Variants in AUNIP observed in about 807,000 individuals in gnomAD.
AUNIP encodes the protein aurora kinase A- and ninein-interacting protein.
In AUNIP, 16 loss-of-function variants were observed where a neutral mutation model predicts 12.2. The ratio of observed to expected loss-of-function variants is 1.31; its 90% CI spans 0.88 to 1.99. The LOEUF (loss-of-function observed/expected upper bound fraction) is 1.99, where lower values mean the gene tolerates loss of function less well. Ranked by LOEUF, AUNIP falls within the 30% of genes most tolerant of loss-of-function variation. The probability of loss-of-function intolerance (pLI) is 0.00; values close to 1 mark genes in which losing one functional copy is unlikely to be tolerated. For synonymous variants in AUNIP, 142 were observed against 154.8 expected (o/e 0.92, Z 0.61); for missense variants, 411 against 419.1 (o/e 0.98, Z 0.17).
Position 25,835,669 on chromosome 1 carries a change from G to T in AUNIP, c.398C>A (p.Ser133Tyr), listed in dbSNP as rs200879396. ...GCCAGAAGTCTGGAGGGACTGAGGA[G>T]AGAGTCCAGCTTCCTGGATGTCTGC... ...TTADIQEAGL[S>Y]PQSLQTSGHH... Residue 133 changes from serine to tyrosine, a missense_variant, in exon 3 of 3, where the codon TCT becomes TAT. Coordinates refer to ENST00000374298, the MANE Select transcript of AUNIP (RefSeq NM_024037.3). 2 of 1,614,220 alleles carry T rather than the reference G, an allele frequency of 1.2e-6. No homozygotes were observed. The highest frequency in any genetic ancestry group is 1.7e-6 in the Non-Finnish European group (2 of 1,180,034).
rs149040976 is a variant in AUNIP, at chr1:25,846,908, G to A, written c.79-9354C>T. Among the ~76,000 whole-genome samples, 252 of 152,294 alleles carry A rather than the reference G, an allele frequency of 1.7e-3. 2 individuals are homozygous for A. Among genetic ancestry groups the A allele is most frequent in the East Asian group, 0.011 (57 of 5,188 alleles). ...GCTGCATATGGCTCTCTCGGTCACA[G>A]AGATGACAGTCCTATAAAAGAAAGA... On this transcript the variant is annotated intron_variant, in intron 1 of 2. Coordinates refer to ENST00000374298, the MANE Select transcript of AUNIP (RefSeq NM_024037.3).
chr1:25,834,983 C>G lies in AUNIP; in HGVS notation c.*10G>C. 6.3e-7 allele frequency: 1 copy of G among 1,595,624 alleles called. No individual in the cohort carries two copies. The highest frequency in any genetic ancestry group is 8.5e-7 in the Non-Finnish European group (1 of 1,170,798). ...TTTCAAGGTACTTTTAGAAACAAAG[C>G]TTCAAACATTTAGAATTGGTGTCTG... On this transcript the variant is annotated 3_prime_UTR_variant, in exon 3 of 3. Transcript: ENST00000374298.
Position 25,835,120 on chromosome 1 carries a change from T to G in AUNIP, c.947A>C (p.Asp316Ala). ...AGGACTGTTAGGAAACGGCCCTAAG[T>G]CCCAATTCCAGTTATTGGTTACATC... ...FQDVTNNWNW[D>A]LGPFPNSPWA... is the part of the protein sequence containing the mutation. Residue 316 changes from aspartate to alanine, a missense_variant, in exon 3 of 3, where the codon GAC (aspartate) becomes GCC (alanine). Transcript: ENST00000374298. The G allele has an allele frequency of 6.2e-7, 1 of 1,614,216 alleles. No homozygotes were observed. The highest frequency in any genetic ancestry group is 1.3e-5 in the African/African-American group (1 of 75,048).
intron 1 of AUNIP, among the ~76,000 whole-genome samples, chr1:25,852,901 T>G (rs1250392966): frequency 6.6e-6 from 1 of 152,256 alleles, no homozygotes; most frequent in African/African-American, 2.4e-5. Context: ...CTCTTGGTTA[T>G]TTAGAAATGT....
Position 25,834,728 on chromosome 1 carries a change from AC to A in AUNIP, c.*264del. 7.7e-7 allele frequency: 1 copy of A among 1,293,480 alleles called. No homozygotes were observed. The highest frequency in any genetic ancestry group is 9.8e-7 in the Non-Finnish European group (1 of 1,020,532). 80.1% of individuals were successfully genotyped at this position (1,293,480 alleles called of 1,614,324 possible). ...AAAAGGCACTTTCATAGAGATAAATACCCACTGTGCTGCCTCAGTGTTCATC... is the reference window on the plus strand; with the variant it reads ...AAAAGGCACTTTCATAGAGATAAATACCACTGTGCTGCCTCAGTGTTCATC... On this transcript the variant is annotated 3_prime_UTR_variant, in exon 3 of 3. Transcript: ENST00000374298.
Position 25,835,784 on chromosome 1 carries a change from CT to C in AUNIP, c.282del (p.Glu95SerfsTer9). Reference protein sequence around the residue: ...VSSHTESQINKESKKNATQLD... With the variant: ...VSSHTESQINXESKKNATQLD... The stretch of plus-strand genomic sequence containing the variant: ...AGCTGGGTCGCATTTTTCTTGGACT[CT>C]TTGTTGATCTGACTTTCTGTATGAG... On this transcript the variant is annotated frameshift_variant, in exon 3 of 3. Coordinates refer to ENST00000374298, the MANE Select transcript of AUNIP (RefSeq NM_024037.3). LOFTEE classifies it low-confidence loss of function (END_TRUNC). The C allele has an allele frequency of 6.2e-7, 1 of 1,614,182 alleles. No individual in the cohort carries two copies. The highest frequency in any genetic ancestry group is 8.5e-7 in the Non-Finnish European group (1 of 1,180,040).
At chr1:25,848,055 T>C (rs1393490341) in intron 1 of AUNIP, among the ~76,000 whole-genome samples, 1 of 152,200 alleles carries the variant, frequency 6.6e-6, no homozygotes, top group Non-Finnish European at 1.5e-5. Context: ...TCCAAATTCC[T>C]CTAGCCTACC....
intron 1 of AUNIP, among the ~76,000 whole-genome samples, chr1:25,842,188 A>G (rs2048351621): frequency 6.6e-6 from 1 of 152,270 alleles, no homozygotes; most frequent in African/African-American, 2.4e-5. Flanking sequence ...CTTGAAGGAA[A>G]TTATAAGTGC....
chr1:25,835,440 C>CT lies in AUNIP; in HGVS notation c.626dup (p.Ser210GlufsTer21). On this transcript the variant is annotated frameshift_variant, in exon 3 of 3. Coordinates refer to ENST00000374298, the MANE Select transcript of AUNIP (RefSeq NM_024037.3). LOFTEE classifies it low-confidence loss of function (END_TRUNC). ...GTAGTTTGGTGTGTTTCTCCATACT[C>CT]TGATAGTTCTTCTTAGACTCATGAA... 21 of 1,614,252 alleles carry CT rather than the reference C, an allele frequency of 1.3e-5. No individual in the cohort carries two copies. Among genetic ancestry groups the CT allele is most frequent in the Non-Finnish European group, 1.8e-5 (21 of 1,180,056 alleles).
rs1015887427 is a variant in AUNIP at position 25,834,219 on chromosome 1, C to A, written c.*774G>T. On this transcript the variant is annotated 3_prime_UTR_variant, in exon 3 of 3. Coordinates refer to ENST00000374298, the MANE Select transcript of AUNIP (RefSeq NM_024037.3). ...CACCATTCTACCTCTCTTCTCTCCA[C>A]ACCTGGGTTGTGGGGAGATTTGCTA... 1.0e-6 allele frequency: 1 copy of A among 985,350 alleles called. No individual in the cohort carries two copies. Among genetic ancestry groups the A allele is most frequent in the South Asian group, 4.7e-5 (1 of 21,288 alleles). 61.0% of individuals were successfully genotyped at this position (985,350 alleles called of 1,614,324 possible).
chr1:25,848,542 G>C (rs1010532775), intron 1 of AUNIP, among the ~76,000 whole-genome samples: 1 of 150,284 alleles, frequency 6.7e-6, no homozygotes, highest in Admixed American at 6.6e-5. Context: ...CAGCTCCTGA[G>C]AGATAATCTC....
intron 1 of AUNIP, among the ~76,000 whole-genome samples, chr1:25,844,997 C>A (rs2048372304): frequency 1.3e-5 from 2 of 152,182 alleles, no homozygotes; most frequent in African/African-American, 4.8e-5. Flanking sequence ...CCAAGAAAAG[C>A]TATCAGGGTC....
rs1002942159 is a variant in AUNIP at position 25,847,561 on chromosome 1, G to A, written c.79-10007C>T. On this transcript the variant is annotated intron_variant, in intron 1 of 2. Coordinates refer to ENST00000374298, the MANE Select transcript of AUNIP (RefSeq NM_024037.3). The surrounding 1 kb of genome is among the most constrained non-coding windows in gnomAD (Gnocchi z 4.2). ...ATTACAGGCATAAACCACCACACCC[G>A]ACCTTAAAAAACATTTAAGCAATCC... 4.0e-5 allele frequency among the ~76,000 whole-genome samples: 6 copies of A among 151,224 alleles called. No homozygotes were observed. The highest frequency in any genetic ancestry group is 8.8e-5 in the Non-Finnish European group (6 of 67,856).
chr1:25,837,256 A>G (rs2048309745), intron 2 of AUNIP, among the ~76,000 whole-genome samples, 157 bp downstream of exon 2: 1 of 152,256 alleles, frequency 6.6e-6, no homozygotes, highest in Non-Finnish European at 1.5e-5. Context: ...ATTGCTTTTC[A>G]AAAGGCAACA....
chr1:25,857,562 T>C (rs1167415499), intron 1 of AUNIP, among the ~76,000 whole-genome samples: 1 of 150,834 alleles, frequency 6.6e-6, no homozygotes, highest in African/African-American at 2.4e-5. Flanking sequence ...TTGATAATTT[T>C]TGAAAAAATA....
In AUNIP at chr1:25,837,568, G is replaced by A. The variant is rs1390271866; in HGVS notation, c.79-14C>T. On this transcript the variant is annotated splice_polypyrimidine_tract_variant and intron_variant, in intron 1 of 2. Transcript: ENST00000374298. ...GATTAAATGTGTCTGAGAAAGGAGA[G>A]AAAAAAGAATAATGAGCCTATTAAT... 3 of 1,605,114 alleles carry A rather than the reference G, an allele frequency of 1.9e-6. No individual in the cohort carries two copies. The highest frequency in any genetic ancestry group is 1.7e-5 in the Admixed American group (1 of 58,176).
intron 1 of AUNIP, among the ~76,000 whole-genome samples, chr1:25,843,172 CAAAA>C (rs1216108790): frequency 0.021 from 2,769 of 134,840 alleles, 102 homozygotes; most frequent in African/African-American, 0.075. Context: ...GACCCCATCT[CAAAA>C]AAAAAAAAAA....
At position 25,842,423 on chromosome 1, in the gene AUNIP, T is replaced by G. The variant is rs76520128; in HGVS notation, c.79-4869A>C. On this transcript the variant is annotated intron_variant, in intron 1 of 2. Transcript: ENST00000374298. ...AGCTAGCAGAGGCTGGTTCATGAGG[T>G]TGAAGGAAAAAAACTGTCCCTATAA... Among the ~76,000 whole-genome samples the G allele has an allele frequency of 4.8e-3, 734 of 152,116 alleles. 8 individuals are homozygous for G. Among genetic ancestry groups the G allele is most frequent in the African/African-American group, 0.013 (559 of 41,512 alleles).
At chr1:25,855,106 G>A (rs183456031) in intron 1 of AUNIP, among the ~76,000 whole-genome samples, 55 of 151,906 alleles carry the variant, frequency 3.6e-4, no homozygotes, top group Admixed American at 2.8e-3. Context: ...ATAGGCACCC[G>A]TCACCAAGCC....
Sources: gnomAD v4.1 joint callset for allele counts (sites outside exome capture counted in the v4.1 genomes callset) on GRCh38, gnomAD v4.1.1 for gene constraint, Gnocchi (gnomAD v3.1) non-coding constraint, MANE v1.5 for transcripts, NCBI Gene and HGNC (gene_info 2026-07-23, HGNC 2026-07-21) for gene names.